Variants in RBFOX1 observed in about 807,000 individuals in gnomAD.
The protein encoded by RBFOX1 is RNA binding protein fox-1 homolog 1.
A neutral mutation model predicts 57.7 loss-of-function variants in RBFOX1; 8 were observed. The observed-to-expected ratio is 0.14, with a 90% confidence interval of 0.08 to 0.25. The LOEUF (loss-of-function observed/expected upper bound fraction) is 0.25. RBFOX1 is among the 10% of genes least tolerant of loss of function. RBFOX1 has a pLI of 1.00. For missense variants in RBFOX1, 611 were observed against 548.5 expected (o/e 1.11, Z -1.14); for synonymous variants, 326 against 222.4 (o/e 1.47, Z -4.15).
intron 4 of RBFOX1, among the ~76,000 whole-genome samples, chr16:7,322,409 C>G (rs1217259208): frequency 2.0e-5 from 3 of 152,230 alleles, no homozygotes; most frequent in Admixed American, 2.0e-4. Context: ...AACGTGATTT[C>G]ACGTGAAAAC....
intron 2 of RBFOX1, among the ~76,000 whole-genome samples, chr16:6,336,603 T>A (rs1040325502): frequency 2.6e-5 from 4 of 152,158 alleles, no homozygotes; most frequent in African/African-American, 9.7e-5. Context: ...TCCAGCCTCA[T>A]CACACACCAC....
intron 2 of RBFOX1, among the ~76,000 whole-genome samples, chr16:6,587,472 G>C (rs1055047336): frequency 1.3e-5 from 2 of 152,052 alleles, no homozygotes; most frequent in African/African-American, 4.8e-5. Flanking sequence ...AGCAGAGACA[G>C]GGTTTCACCT....
At chr16:6,116,747 G>C (rs763241316) in intron 1 of RBFOX1, among the ~76,000 whole-genome samples, 8 of 152,184 alleles carry the variant, frequency 5.3e-5, no homozygotes, top group Non-Finnish European at 4.4e-5. Flanking sequence ...TACCTCAGCT[G>C]ATAGGGGAGA....
intron 3 of RBFOX1, among the ~76,000 whole-genome samples, chr16:6,926,210 G>C (rs2075555806): frequency 6.6e-6 from 1 of 152,174 alleles, no homozygotes; most frequent in Admixed American, 6.5e-5. Context: ...CAGAGGCTGA[G>C]GCAGGAGACT....
intron 2 of RBFOX1, among the ~76,000 whole-genome samples, chr16:6,433,082 AG>A (rs2094142096): frequency 6.6e-6 from 1 of 152,232 alleles, no homozygotes; most frequent in African/African-American, 2.4e-5. Context: ...ACAGAGAGAA[AG>A]TCAGGGGAGA....
At chr16:7,587,844 G>C (rs1332522655) in intron 7 of RBFOX1, among the ~76,000 whole-genome samples, 1 of 152,182 alleles carries the variant, frequency 6.6e-6, no homozygotes, top group East Asian at 1.9e-4. Flanking sequence ...GCTAATAAAA[G>C]TCAGGGGCTC....
intron 4 of RBFOX1, among the ~76,000 whole-genome samples, chr16:5,945,922 G>C (rs753980695): frequency 6.6e-6 from 1 of 152,158 alleles, no homozygotes; most frequent in Non-Finnish European, 1.5e-5. Context: ...TGCCATGGGC[G>C]AGAGAGGGAT....
intron 2 of RBFOX1, among the ~76,000 whole-genome samples, chr16:5,525,068 C>A (rs1343369897): frequency 6.6e-6 from 1 of 152,224 alleles, no homozygotes; most frequent in Non-Finnish European, 1.5e-5. Context: ...ATAATTCCTT[C>A]TTTCTCAACA....
intron 1 of RBFOX1, among the ~76,000 whole-genome samples, chr16:6,266,426 C>T (rs996194078): frequency 6.6e-6 from 1 of 152,178 alleles, no homozygotes; most frequent in Non-Finnish European, 1.5e-5. Flanking sequence ...AATCTATTTA[C>T]TAACAGGCCA....
chr16:7,323,147 G>T (rs1289165759), intron 4 of RBFOX1, among the ~76,000 whole-genome samples: 1 of 152,200 alleles, frequency 6.6e-6, no homozygotes, highest in Non-Finnish European at 1.5e-5. Context: ...AGCTAAGACT[G>T]GGCACATGGC....
intron 2 of RBFOX1, among the ~76,000 whole-genome samples, chr16:5,562,385 G>C (rs1057381301): frequency 1.3e-5 from 2 of 152,080 alleles, no homozygotes; most frequent in Non-Finnish European, 2.9e-5. Context: ...GAACCTCTTG[G>C]TCCTGTCACT....
At chr16:7,449,892 T>C (rs2098838257) in intron 4 of RBFOX1, among the ~76,000 whole-genome samples, 2 of 151,968 alleles carry the variant, frequency 1.3e-5, no homozygotes, top group African/African-American at 4.8e-5. Context: ...AAGACATTTG[T>C]GAAGGGACAC....
intron 4 of RBFOX1, among the ~76,000 whole-genome samples, chr16:5,933,788 G>GTT (rs151209838): frequency 4.3e-4 from 63 of 146,606 alleles, no homozygotes; most frequent in East Asian, 1.4e-3. Context: ...GTTTTTTTTT[G>GTT]TTTTTTTTTT....
In RBFOX1 at chr16:6,864,547, C is replaced by CTT. The variant is rs556959548; in HGVS notation, c.-15-187495_-15-187494dup. ...TAAACCCCCCTATTCTCTCCTTCCT[C>CTT]TTTTTTTTTTTTTTTTAATCATGGC... On this transcript the variant is annotated intron_variant, in intron 3 of 15. Transcript: ENST00000550418. Among the ~76,000 whole-genome samples the CTT allele has an allele frequency of 7.3e-3, 1,021 of 139,520 alleles. 19 individuals are homozygous for CTT. Among genetic ancestry groups the CTT allele is most frequent in the African/African-American group, 0.025 (965 of 38,652 alleles). 91.5% of individuals were successfully genotyped at this position (139,520 alleles called of 152,430 possible).
At chr16:7,238,080 T>C (rs2093864142) in intron 4 of RBFOX1, among the ~76,000 whole-genome samples, 1 of 152,216 alleles carries the variant, frequency 6.6e-6, no homozygotes, top group African/African-American at 2.4e-5. Flanking sequence ...GAAATGAGCT[T>C]GTCACAAAAG....
chr16:6,195,413 A>T (rs1490311464), intron 1 of RBFOX1, among the ~76,000 whole-genome samples: 4 of 152,074 alleles, frequency 2.6e-5, no homozygotes, highest in Admixed American at 2.6e-4. Flanking sequence ...CCTTTAGTAG[A>T]TGCTCGTTAG....
rs190081590 is a variant in RBFOX1, at chr16:5,530,745, C to T, written c.258+63491C>T. 2.6e-4 allele frequency among the ~76,000 whole-genome samples: 40 copies of T among 152,032 alleles called. No individual in the cohort carries two copies. The East Asian group carries it at 7.4e-3, about 28-fold the overall frequency. On this transcript the variant is annotated intron_variant, in intron 2 of 2. Coordinates refer to the RBFOX1 transcript ENST00000585867. ...ACATTGCAGAACATCCCTTGAGGGG[C>T]AAAACTATCCCCAGTTGAGAAGCAC...
At chr16:7,231,798 A>G (rs917757383) in intron 4 of RBFOX1, among the ~76,000 whole-genome samples, 2 of 152,236 alleles carry the variant, frequency 1.3e-5, no homozygotes, top group Non-Finnish European at 2.9e-5. Flanking sequence ...AGAACCCAGA[A>G]TCAAAAGACC....
At chr16:7,058,319 G>A (rs536687945) in intron 4 of RBFOX1, among the ~76,000 whole-genome samples, 26 of 152,262 alleles carry the variant, frequency 1.7e-4, no homozygotes, top group African/African-American at 6.3e-4. Context: ...CACTTTCTAA[G>A]CTTTCTTTTT....
Sources: gnomAD v4.1 joint callset for allele counts (sites outside exome capture counted in the v4.1 genomes callset) on GRCh38, gnomAD v4.1.1 for gene constraint, MANE v1.5 for transcripts, NCBI Gene and HGNC (gene_info 2026-07-23, HGNC 2026-07-21) for gene names.